TECRL: variants seen among roughly 807,000 people sequenced by gnomAD.
TECRL encodes the protein trans-2,3-enoyl-CoA reductase like.
A neutral mutation model predicts 52.8 loss-of-function variants in TECRL; 63 were observed. That is an observed-to-expected ratio of 1.19 (90% CI 0.97 to 1.47). The LOEUF (loss-of-function observed/expected upper bound fraction) is 1.47. TECRL is among the 40% of genes most tolerant of loss of function. The pLI is 0.00. For missense variants in TECRL, 482 were observed against 429.6 expected (o/e 1.12, Z -1.08); for synonymous variants, 164 against 141.9 (o/e 1.16, Z -1.10).
At chr4:64,318,876 G>C (rs915788799) in intron 4 of TECRL, among the ~76,000 whole-genome samples, 1 of 151,796 alleles carries the variant, frequency 6.6e-6, no homozygotes, top group Admixed American at 6.6e-5. Context: ...TAACTAAATC[G>C]CAGCAAAAAG....
intron 2 of TECRL, among the ~76,000 whole-genome samples, chr4:64,365,205 T>C (rs1349918510): frequency 3.8e-5 from 1 of 26,540 alleles, no homozygotes; most frequent in Non-Finnish European, 1.1e-4. Flanking sequence ...TATTGCTTCA[T>C]GTTAAAAAAA....
chr4:64,297,105 G>A (rs1723730026), intron 8 of TECRL, among the ~76,000 whole-genome samples: 1 of 151,398 alleles, frequency 6.6e-6, no homozygotes, highest in African/African-American at 2.4e-5. Context: ...AACATATTAT[G>A]TATACATTGT....
intron 2 of TECRL, among the ~76,000 whole-genome samples, chr4:64,368,220 G>A (rs1721736311): frequency 6.7e-6 from 1 of 148,312 alleles, no homozygotes; most frequent in Admixed American, 6.6e-5. Context: ...GAATAATTTG[G>A]CAAATTACCC....
chr4:64,285,103 T>C (rs1451625188), intron 9 of TECRL, among the ~76,000 whole-genome samples: 1 of 152,122 alleles, frequency 6.6e-6, no homozygotes, highest in Non-Finnish European at 1.5e-5. Flanking sequence ...AATTGGAATA[T>C]ATATACTTTG....
At chr4:64,385,232 T>G (rs921454465) in intron 1 of TECRL, among the ~76,000 whole-genome samples, 1 of 152,076 alleles carries the variant, frequency 6.6e-6, no homozygotes, top group Admixed American at 6.5e-5. Context: ...ATCCTTAAGC[T>G]CCTGAACAGC....
At chr4:64,292,107 G>A (rs1486317870) in intron 8 of TECRL, among the ~76,000 whole-genome samples, 1 of 151,952 alleles carries the variant, frequency 6.6e-6, no homozygotes, top group African/African-American at 2.4e-5. Flanking sequence ...TAAAGGCTGA[G>A]TAAGATCAAG....
chr4:64,308,789 T>G (rs2109995571), intron 6 of TECRL, among the ~76,000 whole-genome samples: 1 of 152,308 alleles, frequency 6.6e-6, no homozygotes, highest in Non-Finnish European at 1.5e-5. Context: ...ATGCATTTCT[T>G]TGCTCCACTT....
intron 2 of TECRL, among the ~76,000 whole-genome samples, chr4:64,342,576 T>A (rs1719664515): frequency 6.6e-6 from 1 of 152,088 alleles, no homozygotes; most frequent in Admixed American, 6.6e-5. Context: ...TCTGTCCACA[T>A]TCACTGTGTT....
intron 1 of TECRL, among the ~76,000 whole-genome samples, chr4:64,396,531 G>A (rs1367555517): frequency 6.6e-6 from 1 of 151,934 alleles, no homozygotes; most frequent in Non-Finnish European, 1.5e-5. Context: ...AATTGTTTAA[G>A]TTCCTTATAG....
intron 5 of TECRL, among the ~76,000 whole-genome samples, chr4:64,311,505 A>G (rs983839893): frequency 6.6e-6 from 1 of 152,168 alleles, no homozygotes; most frequent in Non-Finnish European, 1.5e-5. Context: ...AAAACCCTTG[A>G]GTAATAAAAT....
At chr4:64,334,153 G>A (rs11736656) in intron 2 of TECRL, among the ~76,000 whole-genome samples, 2 of 151,174 alleles carry the variant, frequency 1.3e-5, no homozygotes, top group Admixed American at 1.3e-4. Flanking sequence ...ACAGACCTAA[G>A]AAAAGGGGCA....
At chr4:64,337,261 T>C (rs1719168050) in intron 2 of TECRL, among the ~76,000 whole-genome samples, 1 of 152,170 alleles carries the variant, frequency 6.6e-6, no homozygotes, top group African/African-American at 2.4e-5. Context: ...AAATTAGGTA[T>C]TGATGGGACG....
chr4:64,305,176 A>G lies in TECRL; in HGVS notation c.720T>C (p.Tyr240=), dbSNP rs906139938. ...WIAYYINHPL[Y]TPPSFGNRQI... ...AGAAACCCTACATACATGGTGGTGT[A>G]TATAGTGGATGATTAATGTAGTAGG... is the stretch of plus-strand genomic sequence containing the variant. Residue 240 remains tyrosine (Y), a synonymous_variant, in exon 7 of 12, where the codon TAT becomes TAC. Coordinates refer to ENST00000381210, the MANE Select transcript of TECRL (RefSeq NM_001010874.5). 5.0e-6 allele frequency: 8 copies of G among 1,612,378 alleles called. No homozygotes were observed. The Admixed American group carries it at 8.3e-5, about 17-fold the overall frequency.
chr4:64,345,929 A>AAAAAAAAAAAAAAAAT (rs1560516756), intron 2 of TECRL, among the ~76,000 whole-genome samples: 1 of 147,264 alleles, frequency 6.8e-6, no homozygotes, highest in Non-Finnish European at 1.5e-5. Context: ...AAAAAAAAAA[A>AAAAAAAAAAAAAAAAT]AACATTTATC....
chr4:64,289,588 A>C, intron 9 of TECRL, 122 bp downstream of exon 9: 6 of 743,480 alleles, frequency 8.1e-6, no homozygotes, highest in Non-Finnish European at 1.3e-5. Context: ...AAGGGAAAAA[A>C]TGTGGCACAT....
chr4:64,360,124 T>C (rs1721072464), intron 2 of TECRL, among the ~76,000 whole-genome samples: 1 of 152,178 alleles, frequency 6.6e-6, no homozygotes, highest in Admixed American at 6.6e-5. Context: ...CAGTTTTTGA[T>C]TGATAATATG....
At chr4:64,355,782 G>T (rs1305118205) in intron 2 of TECRL, among the ~76,000 whole-genome samples, 1 of 108,678 alleles carries the variant, frequency 9.2e-6, no homozygotes, top group Non-Finnish European at 1.9e-5. Flanking sequence ...GCAACAGAGT[G>T]AGACTCTGTC....
chr4:64,289,941 T>C (rs926407494), intron 8 of TECRL, among the ~76,000 whole-genome samples, 174 bp from the exon 9 acceptor site: 5 of 152,152 alleles, frequency 3.3e-5, no homozygotes, highest in African/African-American at 1.2e-4. Flanking sequence ...ATGAAAGAAG[T>C]TCTTGCTGGC....
intron 1 of TECRL, among the ~76,000 whole-genome samples, chr4:64,375,988 A>G (rs1722373720): frequency 6.6e-6 from 1 of 151,824 alleles, no homozygotes; most frequent in Non-Finnish European, 1.5e-5. Flanking sequence ...TCCCTGAATA[A>G]GCATACGATA....
Sources: gnomAD v4.1 joint callset for allele counts (sites outside exome capture counted in the v4.1 genomes callset) on GRCh38, gnomAD v4.1.1 for gene constraint, MANE v1.5 for transcripts, NCBI Gene and HGNC (gene_info 2026-07-23, HGNC 2026-07-21) for gene names.